Variants in SPOCK3 observed in about 807,000 individuals in gnomAD.
The protein encoded by SPOCK3 is SPARC (osteonectin), cwcv and kazal like domains proteoglycan 3, also known as testican-3.
In SPOCK3, 30 loss-of-function variants were observed where a neutral mutation model predicts 56.6. That is an observed-to-expected ratio of 0.53 (90% CI 0.40 to 0.72). SPOCK3 has a LOEUF of 0.72. Among genes scored for constraint, SPOCK3 ranks in the 30% least tolerant of loss-of-function variants. SPOCK3 has a pLI of 0.00. For synonymous variants in SPOCK3, 196 were observed against 183.3 expected, an observed-to-expected ratio of 1.07 and a Z score of -0.56; for missense variants, 527 against 530.0, an observed-to-expected ratio of 0.99 and a Z score of 0.06.
chr4:167,030,287 T>A (rs1048359749), intron 3 of SPOCK3, among the ~76,000 whole-genome samples: 7 of 152,092 alleles, frequency 4.6e-5, no homozygotes, highest in Non-Finnish European at 7.4e-5. Context: ...TTGATTAATC[T>A]TTTGTTTTTT....
At chr4:167,117,943 G>C (rs552358222) in intron 2 of SPOCK3, among the ~76,000 whole-genome samples, 1 of 152,238 alleles carries the variant, frequency 6.6e-6, no homozygotes, top group Admixed American at 6.5e-5. Context: ...CACTTTGGTA[G>C]CACAGCAGAA....
At chr4:167,102,922 GAAAAAAAAA>G (rs55740507) in intron 2 of SPOCK3, among the ~76,000 whole-genome samples, 981 of 62,544 alleles carry the variant, frequency 0.016, 20 homozygotes, top group African/African-American at 0.057. Context: ...ATAGCTTGCA[GAAAAAAAAA>G]AAAAAAAAAA....
At chr4:166,819,896 AT>A (rs1744751350) in intron 6 of SPOCK3, among the ~76,000 whole-genome samples, 1 of 151,768 alleles carries the variant, frequency 6.6e-6, no homozygotes, top group African/African-American at 2.4e-5. Flanking sequence ...AATATTTATA[AT>A]TTTTCGTAGA....
At chr4:167,091,639 GTCA>G (rs1180031408) in intron 2 of SPOCK3, among the ~76,000 whole-genome samples, 8 of 152,086 alleles carry the variant, frequency 5.3e-5, no homozygotes, top group Middle Eastern at 3.2e-3. Context: ...CATATGCAGT[GTCA>G]TCATCAGAAA....
At chr4:167,184,359 G>A (rs1731769874) in intron 2 of SPOCK3, among the ~76,000 whole-genome samples, 1 of 152,054 alleles carries the variant, frequency 6.6e-6, no homozygotes, top group African/African-American at 2.4e-5. Flanking sequence ...TGTCTTAAAT[G>A]CTCCTAATTC....
intron 2 of SPOCK3, among the ~76,000 whole-genome samples, chr4:167,115,073 C>T (rs815212): frequency 0.44 from 66,350 of 151,842 alleles, 15,471 homozygotes; most frequent in African/African-American, 0.6. Flanking sequence ...CTACGGGAAA[C>T]ATAATATTTG....
intron 5 of SPOCK3, among the ~76,000 whole-genome samples, chr4:166,902,388 G>T (rs988215874): frequency 6.6e-6 from 1 of 151,874 alleles, no homozygotes; most frequent in Non-Finnish European, 1.5e-5. Context: ...GTGGAATCAT[G>T]TATTTCATCA....
At chr4:166,916,461 G>T (rs991694097) in intron 4 of SPOCK3, among the ~76,000 whole-genome samples, 1 of 151,980 alleles carries the variant, frequency 6.6e-6, no homozygotes, top group Non-Finnish European at 1.5e-5. Flanking sequence ...AAGCTCAACA[G>T]TCTCATTTTC....
At chr4:166,958,254 C>T (rs1043355594) in intron 4 of SPOCK3, among the ~76,000 whole-genome samples, 4 of 152,108 alleles carry the variant, frequency 2.6e-5, no homozygotes, top group South Asian at 4.1e-4. Flanking sequence ...CTGCTTTCTC[C>T]GTGTGATGAG....
intron 2 of SPOCK3, among the ~76,000 whole-genome samples, chr4:167,086,018 T>A (rs926123388): frequency 3.3e-5 from 5 of 152,050 alleles, no homozygotes; most frequent in Non-Finnish European, 7.4e-5. Flanking sequence ...AGAAAGTAAA[T>A]TATCGGTGGA....
intron 4 of SPOCK3, among the ~76,000 whole-genome samples, chr4:166,952,443 C>T (rs566573583): frequency 8.8e-4 from 134 of 152,198 alleles, no homozygotes; most frequent in Non-Finnish European, 1.9e-4. Context: ...AGGATACAAA[C>T]GAATGGAAGA....
intron 7 of SPOCK3, among the ~76,000 whole-genome samples, chr4:166,782,255 G>C (rs1740261070): frequency 6.6e-6 from 1 of 152,052 alleles, no homozygotes; most frequent in Non-Finnish European, 1.5e-5. Context: ...ATCACATAAT[G>C]ATAAAGAGTT....
intron 2 of SPOCK3, among the ~76,000 whole-genome samples, chr4:167,113,148 G>A (rs1431108566): frequency 6.6e-6 from 1 of 152,092 alleles, no homozygotes; most frequent in Non-Finnish European, 1.5e-5. Flanking sequence ...CAATGCCAGT[G>A]ACAAACTAAA....
intron 6 of SPOCK3, among the ~76,000 whole-genome samples, chr4:166,863,254 A>C (rs1032639998): frequency 4.6e-5 from 7 of 152,112 alleles, no homozygotes; most frequent in Non-Finnish European, 8.8e-5. Flanking sequence ...AGAGCTCCTG[A>C]ATATGGAAAG....
At chr4:167,176,255 T>C (rs947299921) in intron 2 of SPOCK3, among the ~76,000 whole-genome samples, 2 of 152,146 alleles carry the variant, frequency 1.3e-5, no homozygotes, top group African/African-American at 4.8e-5. Context: ...GCCAAATCCC[T>C]TTTGCTATGT....
Position 166,899,508 on chromosome 4 carries a change from C to CTTTTTTTTTTT in SPOCK3, c.475-10275_475-10265dup, listed in dbSNP as rs781766258. Among the ~76,000 whole-genome samples the CTTTTTTTTTTT allele has an allele frequency of 8.3e-4, 99 of 119,084 alleles. 2 individuals are homozygous for CTTTTTTTTTTT. Among genetic ancestry groups the CTTTTTTTTTTT allele is most frequent in the Non-Finnish European group, 1.2e-3 (74 of 59,238 alleles). The allele number at this position is 119,084 out of a possible 152,430, so 78.1% of individuals were successfully genotyped here. A position where few individuals can be genotyped will look rare whatever the true frequency, so the allele number is the denominator to read the frequency against. On this transcript the variant is annotated intron_variant, in intron 5 of 10. Transcript: ENST00000357545. ...ATCTGTTCAGTGTATTTCTTTCTTT[C>CTTTTTTTTTTT]TTTTTTTTTTTTTTTTGAGACAGAG...
At chr4:166,802,398 G>T (rs1742700168) in intron 6 of SPOCK3, among the ~76,000 whole-genome samples, 1 of 152,140 alleles carries the variant, frequency 6.6e-6, no homozygotes, top group African/African-American at 2.4e-5. Flanking sequence ...TTGGCTGAGT[G>T]GCTTATAAAA....
intron 3 of SPOCK3, among the ~76,000 whole-genome samples, chr4:167,002,673 C>A (rs1395183417): frequency 6.6e-6 from 1 of 152,044 alleles, no homozygotes; most frequent in Non-Finnish European, 1.5e-5. Flanking sequence ...CTACAACATT[C>A]TTTTCAGACT....
intron 2 of SPOCK3, among the ~76,000 whole-genome samples, chr4:167,090,766 G>A (rs1220400496): frequency 1.3e-5 from 2 of 152,006 alleles, no homozygotes; most frequent in East Asian, 3.9e-4. Flanking sequence ...TCCTCCCAAA[G>A]TGCTGGGATT....
Sources: allele counts gnomAD v4.1 joint callset (sites outside exome capture counted in the v4.1 genomes callset), GRCh38; gene constraint gnomAD v4.1.1; transcripts MANE v1.5; gene names NCBI Gene and HGNC (gene_info 2026-07-23, HGNC 2026-07-21).